Variants in AFF3 observed in about 807,000 individuals in gnomAD.
AFF3 encodes ALF transcription elongation factor 3.
In AFF3, 32 loss-of-function variants were observed where a neutral mutation model predicts 129.7. The ratio of observed to expected loss-of-function variants is 0.25; its 90% CI spans 0.19 to 0.33. The LOEUF is 0.33. AFF3 is among the 10% of genes least tolerant of loss of function. AFF3 has a pLI of 1.00. For synonymous variants in AFF3, 644 were observed against 635.4 expected (o/e 1.01, Z -0.20); for missense variants, 1,373 against 1,592.0 (o/e 0.86, Z 2.34).
At chr2:99,859,321 T>C (rs1396745679) in intron 7 of AFF3, among the ~76,000 whole-genome samples, 1 of 152,202 alleles carries the variant, frequency 6.6e-6, no homozygotes, top group Non-Finnish European at 1.5e-5. Flanking sequence ...TTTCTTTTTC[T>C]TTTGAGAGTG....
rs949215876 is a variant in AFF3, at chr2:99,713,373, A to C, written c.1091+13704T>G. On this transcript the variant is annotated intron_variant, in intron 11 of 24. Transcript: ENST00000672756. Reference sequence around the variant, plus strand: ...AACCTCTGACTCCCTGGTTCAAGCGATTCTCCTGCCTCAGCCTCCCGAGTA... The same window carrying C: ...AACCTCTGACTCCCTGGTTCAAGCGCTTCTCCTGCCTCAGCCTCCCGAGTA... Among the ~76,000 whole-genome samples the C allele has an allele frequency of 2.0e-5, 3 of 149,578 alleles. No homozygotes were observed. In the South Asian group the frequency reaches 6.3e-4, roughly 31 times the overall value.
At chr2:99,998,929 G>A (rs1681121670) in intron 7 of AFF3, among the ~76,000 whole-genome samples, 1 of 152,126 alleles carries the variant, frequency 6.6e-6, no homozygotes, top group South Asian at 2.1e-4. Context: ...TAGTTCATGT[G>A]GCAGAGACGC....
chr2:100,128,830 G>C (rs796402755), intron 2 of AFF3, among the ~76,000 whole-genome samples: 11 of 152,348 alleles, frequency 7.2e-5, no homozygotes, highest in African/African-American at 2.6e-4. Flanking sequence ...ACATGTCTAA[G>C]TGTGCTGGGA....
intron 8 of AFF3, among the ~76,000 whole-genome samples, chr2:99,814,259 C>A (rs189033251): frequency 3.2e-4 from 47 of 147,948 alleles, no homozygotes; most frequent in African/African-American, 1.1e-3. Flanking sequence ...CACCACCACC[C>A]TCAAAGGACT....
intron 13 of AFF3, among the ~76,000 whole-genome samples, chr2:99,632,077 G>A (rs138502838): frequency 0.011 from 1,585 of 139,862 alleles, 27 homozygotes; most frequent in African/African-American, 0.04. Flanking sequence ...GTGCAATGGC[G>A]TGATCTCAGC....
At chr2:99,967,424 T>A (rs943325918) in intron 7 of AFF3, among the ~76,000 whole-genome samples, 3 of 152,186 alleles carry the variant, frequency 2.0e-5, no homozygotes, top group Non-Finnish European at 4.4e-5. Context: ...TTGCATTAAA[T>A]TTGAACCATT....
At chr2:99,839,429 A>G (rs1251166294) in intron 7 of AFF3, among the ~76,000 whole-genome samples, 1 of 151,570 alleles carries the variant, frequency 6.6e-6, no homozygotes, top group African/African-American at 2.4e-5. Context: ...TTTTTGAGGA[A>G]CTGTCAAATT....
intron 15 of AFF3, among the ~76,000 whole-genome samples, chr2:99,589,896 TCA>T (rs1308824335): frequency 1.3e-5 from 2 of 152,356 alleles, no homozygotes; most frequent in African/African-American, 4.8e-5. Flanking sequence ...CTCCATTCTT[TCA>T]CAGTCTCTGT....
chr2:99,757,584 A>C (rs1421544223), intron 8 of AFF3, among the ~76,000 whole-genome samples: 1 of 152,210 alleles, frequency 6.6e-6, no homozygotes, highest in Non-Finnish European at 1.5e-5. Context: ...AGATGAGGAA[A>C]CTAAGTCACT....
intron 21 of AFF3, 39 bp downstream of exon 21, chr2:99,560,326 A>C (rs769331351): frequency 1.8e-5 from 29 of 1,604,556 alleles, no homozygotes; most frequent in Middle Eastern, 3.3e-4. Flanking sequence ...ATGGCATGCG[A>C]GGCTGGGGCT....
intron 7 of AFF3, among the ~76,000 whole-genome samples, chr2:99,969,503 T>TTTATTTATTTATTTATTTA (rs1559020654): frequency 1.0e-5 from 1 of 99,534 alleles, no homozygotes. Context: ...TTATTTATTT[T>TTTATTTATTTATTTATTTA]TTGAGACAGA....
intron 18 of AFF3, among the ~76,000 whole-genome samples, chr2:99,574,342 T>C (rs1559493540): frequency 1.3e-5 from 2 of 152,228 alleles, no homozygotes; most frequent in Non-Finnish European, 2.9e-5. Context: ...CCTGATTACA[T>C]TTTTAAAAAT....
rs539462816 is a variant in AFF3 at position 99,754,213 on chromosome 2, T to G, written c.922-1912A>C. ...TTGCTATAAGTGGCTTCAAATCTTCTGTAGAGAAATTATTCATCAATTACA... is the reference window on the plus strand; with the variant it reads ...TTGCTATAAGTGGCTTCAAATCTTCGGTAGAGAAATTATTCATCAATTACA... On this transcript the variant is annotated intron_variant, in intron 8 of 24. Transcript: ENST00000672756. 3.9e-5 allele frequency among the ~76,000 whole-genome samples: 6 copies of G among 152,354 alleles called. No individual in the cohort carries two copies. The East Asian group carries it at 1.2e-3, about 29-fold the overall frequency.
At chr2:100,121,305 G>A (rs1026794764) in intron 2 of AFF3, among the ~76,000 whole-genome samples, 7 of 152,206 alleles carry the variant, frequency 4.6e-5, no homozygotes, top group Admixed American at 2.0e-4. Flanking sequence ...GTTGAACATC[G>A]GAGAGAAGTG....
intron 7 of AFF3, among the ~76,000 whole-genome samples, chr2:99,875,457 CA>C (rs1332696848): frequency 6.6e-6 from 1 of 152,190 alleles, no homozygotes; most frequent in Non-Finnish European, 1.5e-5. Context: ...GCTTTATTTA[CA>C]GTTATCTATC....
At chr2:100,140,583 T>C (rs1012769941) in intron 1 of AFF3, among the ~76,000 whole-genome samples, 2 of 152,174 alleles carry the variant, frequency 1.3e-5, no homozygotes, top group South Asian at 2.1e-4. Flanking sequence ...ATGGCTCAGA[T>C]ACAATAACAA....
At chr2:99,870,534 C>T (rs554957146) in intron 7 of AFF3, among the ~76,000 whole-genome samples, 3 of 152,308 alleles carry the variant, frequency 2.0e-5, no homozygotes, top group African/African-American at 7.2e-5. Flanking sequence ...CCCATGCAGA[C>T]CCCACCCCTG....
At chr2:99,650,796 ATG>A (rs142082185) in intron 12 of AFF3, among the ~76,000 whole-genome samples, 19,686 of 144,470 alleles carry the variant, frequency 0.14, 1,557 homozygotes, top group African/African-American at 0.23. Flanking sequence ...ACTAAAATTA[ATG>A]TGTGTGTGTG....
In AFF3 at chr2:99,554,416, G is replaced by C; in HGVS notation, c.3454C>G (p.Gln1152Glu). Reference sequence around the variant, plus strand: ...TTGGCCGCCATCTGGTGGATGCGCTGTGGGATGCTGACGATGGTCGACGGG... The same window carrying C: ...TTGGCCGCCATCTGGTGGATGCGCTCTGGGATGCTGACGATGGTCGACGGG... ...LSPSTIVSIP[Q>E]RIHQMAANHV... Residue 1152 changes from glutamine (Q) to glutamate (E), a missense_variant, in exon 24 of 25, where the codon CAG becomes GAG. Around this residue, in one of 9 missense-constraint regions of AFF3, gnomAD observed 165 missense variants for 234.0 expected, o/e 0.71. Transcript: ENST00000672756. The C allele has an allele frequency of 1.2e-6, 2 of 1,614,188 alleles. No individual in the cohort carries two copies. The highest frequency in any genetic ancestry group is 1.7e-6 in the Non-Finnish European group (2 of 1,180,040).
Sources: gnomAD v4.1 joint callset for allele counts (sites outside exome capture counted in the v4.1 genomes callset) on GRCh38, gnomAD v4.1.1 for gene constraint, gnomAD v4.1.1 regional missense constraint, MANE v1.5 for transcripts, NCBI Gene and HGNC (gene_info 2026-07-23, HGNC 2026-07-21) for gene names.